Variants in LIMCH1 observed in about 807,000 individuals in gnomAD.
LIMCH1 encodes the protein LIM and calponin homology domains 1, also known as LIM and calponin homology domains-containing protein 1.
In LIMCH1, 113 loss-of-function variants were observed where a neutral mutation model predicts 176.5. The ratio of observed to expected loss-of-function variants is 0.64; its 90% CI spans 0.55 to 0.75. The LOEUF is 0.75. LIMCH1 is among the 30% of genes least tolerant of loss of function. The probability of loss-of-function intolerance (pLI) is 0.00; values close to 1 mark genes in which losing one functional copy is unlikely to be tolerated. For missense variants in LIMCH1, 1,674 were observed against 1,814.9 expected, an observed-to-expected ratio of 0.92 and a Z score of 1.41; for synonymous variants, 619 against 645.9, an observed-to-expected ratio of 0.96 and a Z score of 0.63.
chr4:41,360,888 C>T lies in LIMCH1; in HGVS notation c.48C>T (p.Pro16=). Residue 16 remains proline, a synonymous_variant, in exon 1 of 27, where the codon CCC becomes CCT. Coordinates refer to the LIMCH1 transcript ENST00000313860. The surrounding 1 kb of genome is among the most constrained non-coding windows in gnomAD (Gnocchi z 4.5). Reference sequence around the variant, plus strand: ...TGGAAGCTCTTCAGCCCCTGCAGCCCGAGCCGCCCCCCGAGCCCGCCTTCT... The same window carrying T: ...TGGAAGCTCTTCAGCCCCTGCAGCCTGAGCCGCCCCCCGAGCCCGCCTTCT... The T allele has an allele frequency of 1.3e-6, 2 of 1,588,148 alleles. No homozygotes were observed. Among genetic ancestry groups the T allele is most frequent in the Non-Finnish European group, 1.7e-6 (2 of 1,170,578 alleles).
intron 1 of LIMCH1, among the ~76,000 whole-genome samples, chr4:41,388,122 T>TA (rs1198166561): frequency 9.2e-5 from 14 of 152,104 alleles, no homozygotes; most frequent in African/African-American, 3.4e-4. Flanking sequence ...AAAGTTAACT[T>TA]ACCACAGACC....
intron 31 of LIMCH1, 93 bp from the exon 32 acceptor site, chr4:41,697,067 T>G: frequency 7.6e-7 from 1 of 1,314,518 alleles, no homozygotes; most frequent in Non-Finnish European, 1.1e-6. Flanking sequence ...GAGACTTTGG[T>G]AAAGGCAGTT....
At chr4:41,504,254 C>T (rs1320008368) in intron 2 of LIMCH1, among the ~76,000 whole-genome samples, 1 of 152,166 alleles carries the variant, frequency 6.6e-6, no homozygotes, top group Non-Finnish European at 1.5e-5. Context: ...ATGTTTGCTT[C>T]CCTGGCATTA....
chr4:41,668,830 C>T (rs2094920390), intron 21 of LIMCH1, among the ~76,000 whole-genome samples: 1 of 152,138 alleles, frequency 6.6e-6, no homozygotes, highest in African/African-American at 2.4e-5. Context: ...GAAGGAAGAG[C>T]AACGGGACAT....
At chr4:41,690,247 G>A (rs370956000) in intron 30 of LIMCH1, among the ~76,000 whole-genome samples, 2 of 152,122 alleles carry the variant, frequency 1.3e-5, no homozygotes, top group South Asian at 2.1e-4. Flanking sequence ...AATAAACTCC[G>A]TAAGGGCAGG....
At chr4:41,679,856 C>T (rs1193600871) in intron 23 of LIMCH1, 150 bp from the exon 24 acceptor site, 7 of 569,200 alleles carry the variant, frequency 1.2e-5, no homozygotes, top group African/African-American at 1.2e-4. Context: ...AAACCATATT[C>T]CCTTTTTATT....
At chr4:41,451,426 C>T (rs772986816) in intron 1 of LIMCH1, among the ~76,000 whole-genome samples, 19 of 151,944 alleles carry the variant, frequency 1.3e-4, no homozygotes, top group African/African-American at 3.4e-4. Flanking sequence ...GTGCCCGGCC[C>T]GAAAGGGTAA....
chr4:41,379,166 T>G (rs2055248179), intron 1 of LIMCH1, among the ~76,000 whole-genome samples: 1 of 152,166 alleles, frequency 6.6e-6, no homozygotes, highest in South Asian at 2.1e-4. Flanking sequence ...GGGTTTTTCT[T>G]GAGGTTGCAA....
At chr4:41,423,632 A>G (rs1479678560) in intron 1 of LIMCH1, among the ~76,000 whole-genome samples, 1 of 152,170 alleles carries the variant, frequency 6.6e-6, no homozygotes, top group Non-Finnish European at 1.5e-5. Flanking sequence ...CTCCAAGCCT[A>G]TAGCCTGGGG....
intron 4 of LIMCH1, chr4:41,613,037 C>T: frequency 1.3e-6 from 2 of 1,552,064 alleles, no homozygotes; most frequent in Non-Finnish European, 1.7e-6. Context: ...AGTTGCACAG[C>T]TAAACCAGGG....
At chr4:41,674,258 T>G (rs1485595627) in intron 22 of LIMCH1, among the ~76,000 whole-genome samples, 1 of 152,210 alleles carries the variant, frequency 6.6e-6, no homozygotes, top group East Asian at 1.9e-4. Flanking sequence ...CTAGTGAAAT[T>G]TAGAAATTAA....
intron 29 of LIMCH1, among the ~76,000 whole-genome samples, chr4:41,688,472 A>G (rs1021493282): frequency 6.6e-6 from 1 of 152,216 alleles, no homozygotes; most frequent in African/African-American, 2.4e-5. Flanking sequence ...TCATTTAACT[A>G]CTGGATAAGA....
chr4:41,548,143 A>G (rs1458977206), intron 1 of LIMCH1, among the ~76,000 whole-genome samples: 1 of 151,908 alleles, frequency 6.6e-6, no homozygotes, highest in Non-Finnish European at 1.5e-5. Flanking sequence ...CTGCAATGAT[A>G]CAGATCATTG....
chr4:41,429,943 A>G (rs1006404771), intron 1 of LIMCH1, among the ~76,000 whole-genome samples: 1 of 152,192 alleles, frequency 6.6e-6, no homozygotes. Context: ...ACTTCTGCTC[A>G]TATTCATTGG....
At chr4:41,513,921 G>A (rs982559683) in intron 2 of LIMCH1, among the ~76,000 whole-genome samples, 4 of 138,656 alleles carry the variant, frequency 2.9e-5, no homozygotes, top group Admixed American at 7.6e-5. Context: ...CAGAAGAATC[G>A]CTTGTACTTG....
intron 1 of LIMCH1, among the ~76,000 whole-genome samples, chr4:41,460,476 A>ATATATATATATATATATATCTATCTATC (rs965621988): frequency 1.4e-5 from 2 of 142,666 alleles, no homozygotes; most frequent in African/African-American, 5.4e-5. Context: ...ATATATATAT[A>ATATATATATATATATATATCTATCTATC]TATCTTATAA....
rs1225760194 is a variant in LIMCH1, at chr4:41,698,985, TAAAAAAAG to T, written c.*1815_*1822del. On this transcript the variant is annotated 3_prime_UTR_variant, in exon 32 of 32. Transcript: ENST00000503057. ...GCTGTTTTACAGGAAAAAATAAAAA[TAAAAAAAG>T]AAAAAAAGAAAAAATTAAAAAGAAA... The T allele has an allele frequency of 2.1e-3, 321 of 151,838 alleles. No homozygotes were observed. Among genetic ancestry groups the T allele is most frequent in the African/African-American group, 6.0e-3 (247 of 41,338 alleles). The allele number at this position is 151,838 out of a possible 1,614,324, so 9.4% of individuals were successfully genotyped here. A position where few individuals can be genotyped will look rare whatever the true frequency, so the allele number is the denominator to read the frequency against.
chr4:41,454,060 C>T (rs1327432393), intron 1 of LIMCH1, among the ~76,000 whole-genome samples: 4 of 152,106 alleles, frequency 2.6e-5, no homozygotes, highest in Non-Finnish European at 5.9e-5. Flanking sequence ...TCCTCCCCTC[C>T]TACTTCATGT....
chr4:41,410,043 G>GA (rs1207026304), intron 1 of LIMCH1, among the ~76,000 whole-genome samples: 1 of 152,098 alleles, frequency 6.6e-6, no homozygotes, highest in Non-Finnish European at 1.5e-5. Context: ...AGGAATTCCT[G>GA]AAAATGGGGT....
Sources: allele counts gnomAD v4.1 joint callset (sites outside exome capture counted in the v4.1 genomes callset), GRCh38; gene constraint gnomAD v4.1.1; non-coding constraint Gnocchi (gnomAD v3.1); transcripts MANE v1.5; gene names NCBI Gene and HGNC (gene_info 2026-07-23, HGNC 2026-07-21).